Variants in WDR72 observed in about 807,000 individuals in gnomAD.
WDR72 encodes WD repeat domain 72.
Under a neutral mutation model 124.2 loss-of-function variants are expected in WDR72, and 120 were observed. The observed-to-expected ratio is 0.97, with a 90% CI of 0.83 to 1.12. The LOEUF (loss-of-function observed/expected upper bound fraction) is 1.12, where lower values mean the gene tolerates loss of function less well. WDR72 is among the 50% of genes most tolerant of loss of function. The pLI, the probability that WDR72 is intolerant of heterozygous loss-of-function variation, is 0.00. For synonymous variants in WDR72, 452 were observed against 441.7 expected (o/e 1.02, Z -0.29); for missense variants, 1,387 against 1,278.8 (o/e 1.08, Z -1.29).
chr15:53,740,214 C>T lies in WDR72; in HGVS notation c.-12-7053G>A, dbSNP rs189794041. Among the ~76,000 whole-genome samples, 235 of 152,158 alleles carry T rather than the reference C, an allele frequency of 1.5e-3. 4 individuals are homozygous for T. The South Asian group carries it at 0.016, about 10-fold the overall frequency. ...TCCCTTAATGAAGTGATACACTTCC[C>T]CCAAGGATAGAGATCAGTCCTTACT... On this transcript the variant is annotated intron_variant, in intron 1 of 19. Coordinates refer to ENST00000360509, the MANE Select transcript of WDR72 (RefSeq NM_182758.4).
intron 13 of WDR72, among the ~76,000 whole-genome samples, chr15:53,679,653 T>A (rs534256695): frequency 2.4e-4 from 37 of 152,106 alleles, no homozygotes; most frequent in African/African-American, 8.2e-4. Flanking sequence ...AGAGTTCCAA[T>A]GGAAAAAGTG....
At chr15:53,539,427 T>C (rs372151692) in intron 18 of WDR72, among the ~76,000 whole-genome samples, 3 of 151,884 alleles carry the variant, frequency 2.0e-5, no homozygotes, top group African/African-American at 7.3e-5. Context: ...GGAGAGTGCA[T>C]AAAAAGCAGG....
intron 10 of WDR72, among the ~76,000 whole-genome samples, 166 bp from the exon 11 acceptor site, chr15:53,705,399 T>C (rs1306519836): frequency 6.6e-6 from 1 of 152,194 alleles, no homozygotes; most frequent in African/African-American, 2.4e-5. Flanking sequence ...GATGTTAACA[T>C]GAATTATATT....
At chr15:53,550,263 A>C (rs1021679501) in intron 18 of WDR72, among the ~76,000 whole-genome samples, 7 of 152,150 alleles carry the variant, frequency 4.6e-5, no homozygotes, top group South Asian at 2.1e-4. Flanking sequence ...AAACTATTCA[A>C]CTCTGCAGCT....
intron 18 of WDR72, among the ~76,000 whole-genome samples, chr15:53,571,741 T>C (rs1894533639): frequency 6.6e-6 from 1 of 151,100 alleles, no homozygotes; most frequent in South Asian, 2.1e-4. Context: ...AGCAGTGTGA[T>C]TGCTGAATCA....
At chr15:53,551,368 T>C (rs1893721263) in intron 18 of WDR72, among the ~76,000 whole-genome samples, 1 of 152,132 alleles carries the variant, frequency 6.6e-6, no homozygotes, top group Admixed American at 6.6e-5. Context: ...GATTTACATA[T>C]GTAAAGATCG....
intron 1 of WDR72, among the ~76,000 whole-genome samples, chr15:53,753,816 G>T (rs1354148094): frequency 6.6e-5 from 10 of 152,098 alleles, no homozygotes; most frequent in African/African-American, 2.2e-4. Flanking sequence ...TGTGCTGGTG[G>T]CTTTCCTATG....
At chr15:53,717,184 A>C (rs1211144852) in intron 3 of WDR72, among the ~76,000 whole-genome samples, 1 of 151,998 alleles carries the variant, frequency 6.6e-6, no homozygotes, top group African/African-American at 2.4e-5. Flanking sequence ...GAAATCCTAA[A>C]ATCATCCTTG....
intron 10 of WDR72, 122 bp from the exon 11 acceptor site, chr15:53,705,355 T>C (rs1477336862): frequency 1.1e-5 from 10 of 872,302 alleles, no homozygotes; most frequent in Non-Finnish European, 1.7e-5. Context: ...CCCAGATTCA[T>C]ATTGCCAGCA....
intron 18 of WDR72, among the ~76,000 whole-genome samples, chr15:53,559,550 G>C (rs185480586): frequency 1.8e-4 from 28 of 152,060 alleles, no homozygotes; most frequent in Admixed American, 4.6e-4. Context: ...TACCATAATA[G>C]CTCTATTCGG....
chr15:53,606,739 T>C (rs1201941068), intron 17 of WDR72, among the ~76,000 whole-genome samples: 2 of 152,142 alleles, frequency 1.3e-5, no homozygotes, highest in Non-Finnish European at 2.9e-5. Flanking sequence ...ATGAGAATTC[T>C]AGCCCAAGAG....
chr15:53,574,419 T>C (rs1328395335), intron 18 of WDR72, among the ~76,000 whole-genome samples: 3 of 152,082 alleles, frequency 2.0e-5, no homozygotes, highest in Non-Finnish European at 4.4e-5. Context: ...ATTGAGAAAA[T>C]TGGGTGAATA....
At chr15:53,574,859 TAGG>T (rs1894692277) in intron 18 of WDR72, among the ~76,000 whole-genome samples, 1 of 151,938 alleles carries the variant, frequency 6.6e-6, no homozygotes, top group Admixed American at 6.6e-5. Flanking sequence ...TGGGGTGAGA[TAGG>T]AGGAGTGTAC....
In WDR72 at chr15:53,748,750, T is replaced by C. The variant is rs539448772; in HGVS notation, c.-13+10883A>G. ...AGATTATTTTCTTCTGAGATATCCA[T>C]ACTAGTCTCCTCTGATAACATTTTT... On this transcript the variant is annotated intron_variant, in intron 1 of 19. Coordinates refer to ENST00000360509, the MANE Select transcript of WDR72 (RefSeq NM_182758.4). Among the ~76,000 whole-genome samples the C allele has an allele frequency of 2.1e-3, 316 of 152,314 alleles. 2 individuals are homozygous for C. Among genetic ancestry groups the C allele is most frequent in the Non-Finnish European group, 4.0e-3 (271 of 68,006 alleles).
intron 13 of WDR72, among the ~76,000 whole-genome samples, chr15:53,686,527 T>TTTA (rs2016631421): frequency 6.6e-6 from 1 of 151,882 alleles, no homozygotes; most frequent in Non-Finnish European, 1.5e-5. Context: ...TAAATATATA[T>TTTA]GCACTCAACA....
intron 17 of WDR72, among the ~76,000 whole-genome samples, chr15:53,600,073 A>G (rs2012974925): frequency 6.6e-6 from 1 of 152,210 alleles, no homozygotes; most frequent in African/African-American, 2.4e-5. Context: ...TCAGTGTGAG[A>G]TGAGAGAAAG....
intron 18 of WDR72, among the ~76,000 whole-genome samples, chr15:53,594,463 T>A (rs1017277586): frequency 6.6e-6 from 1 of 152,026 alleles, no homozygotes. Flanking sequence ...CCTATGAAAT[T>A]TGAGGAATTA....
rs1044504910 is a variant in WDR72 at position 53,722,028 on chromosome 15, ATTTTTAT to A, written c.260+767_260+773del. On this transcript the variant is annotated intron_variant, in intron 3 of 19. Transcript: ENST00000360509. ...CTCTGTGAGATTTATTTATTTATTT[ATTTTTAT>A]TTTTTATTTTTATTTATTTATTTAT... 7.3e-5 allele frequency among the ~76,000 whole-genome samples: 10 copies of A among 136,632 alleles called. 1 individual carries two copies. The highest frequency in any genetic ancestry group is 1.2e-4 in the African/African-American group (5 of 40,826). The allele number at this position is 136,632 out of a possible 152,430, so 89.6% of individuals were successfully genotyped here.
At position 53,621,508 on chromosome 15, in the gene WDR72, G is replaced by T. The variant is rs370459418; in HGVS notation, c.1963-5265C>A. On this transcript the variant is annotated intron_variant, in intron 14 of 19. Coordinates refer to ENST00000360509, the MANE Select transcript of WDR72 (RefSeq NM_182758.4). Reference sequence around the variant, plus strand: ...AAGGAATATGACCTGGATGAGATTGGAGACTATTATTCTAAGTGAAGTATC... The same window carrying T: ...AAGGAATATGACCTGGATGAGATTGTAGACTATTATTCTAAGTGAAGTATC... 2.0e-4 allele frequency among the ~76,000 whole-genome samples: 30 copies of T among 149,344 alleles called. 1 individual carries two copies. In the South Asian group the frequency reaches 6.4e-3, roughly 32 times the overall value.
Sources: allele counts gnomAD v4.1 joint callset (sites outside exome capture counted in the v4.1 genomes callset), GRCh38; gene constraint gnomAD v4.1.1; transcripts MANE v1.5; gene names NCBI Gene and HGNC (gene_info 2026-07-23, HGNC 2026-07-21).